The following SLC9C1 variants were observed in gnomAD, a reference collection of about 807,000 sequenced individuals.
SLC9C1 encodes the protein sodium/hydrogen exchanger 10.
Under a neutral mutation model 140.9 loss-of-function variants are expected in SLC9C1, and 97 were observed. The ratio of observed to expected loss-of-function variants is 0.69; its 90% confidence interval spans 0.58 to 0.82. The LOEUF is 0.82. SLC9C1 is among the 40% of genes least tolerant of loss of function. The probability of loss-of-function intolerance (pLI) is 0.00; values close to 1 mark genes in which losing one functional copy is unlikely to be tolerated. For synonymous variants in SLC9C1, 440 were observed against 442.6 expected (o/e 0.99, Z 0.07); for missense variants, 1,340 against 1,389.3 (o/e 0.96, Z 0.56).
Position 112,248,674 on chromosome 3 carries a change from G to A in SLC9C1, c.1198-4598C>T, listed in dbSNP as rs540108479. Among the ~76,000 whole-genome samples, 100 of 152,154 alleles carry A rather than the reference G, an allele frequency of 6.6e-4. No individual in the cohort carries two copies. The Middle Eastern group carries it at 0.01, about 16-fold the overall frequency. On this transcript the variant is annotated intron_variant, in intron 10 of 28. Coordinates refer to ENST00000305815, the MANE Select transcript of SLC9C1 (RefSeq NM_183061.3). ...TTTTTCTCCCTATTGCCTGAGGTAG[G>A]ACATTGAGCATAATGTTCCACAAAA...
chr3:112,166,315 C>T lies in SLC9C1; in HGVS notation c.3364+906G>A, dbSNP rs551639526. ...CTGACACTCCCCAGTGAGATGAACC[C>T]GGTACCTCAGTTGGAAATGCAGAAA... is the stretch of plus-strand genomic sequence containing the variant. On this transcript the variant is annotated intron_variant, in intron 26 of 28. Coordinates refer to ENST00000305815, the MANE Select transcript of SLC9C1 (RefSeq NM_183061.3). Among the ~76,000 whole-genome samples, 15 of 152,296 alleles carry T rather than the reference C, an allele frequency of 9.8e-5. No homozygotes were observed. In the South Asian group the frequency reaches 1.2e-3, roughly 13 times the overall value.
chr3:112,176,175 G>A (rs1472848042), intron 23 of SLC9C1, among the ~76,000 whole-genome samples: 1 of 152,200 alleles, frequency 6.6e-6, no homozygotes, highest in Non-Finnish European at 1.5e-5. Context: ...CTGGAGGGTT[G>A]CAAAGATCCA....
At position 112,180,622 on chromosome 3, in the gene SLC9C1, A is replaced by G. The variant is rs1329149644; in HGVS notation, c.2690T>C (p.Ile897Thr). The change falls in exon 22 of 29, where the codon ATA becomes ACA. Residue 897 changes from isoleucine (I) to threonine (T), a missense_variant. Ile to Thr is a moderately conservative substitution (Grantham distance 89, BLOSUM62 -1). Transcript: ENST00000305815. ...TTTGGGCTCATCACCTTCTTCAAAT[A>G]TATCATTTCCACAATCAAATGTTAC... ...KVVTFDCGNDIFEEGDEPKGI... is the reference protein window; with the variant it reads ...KVVTFDCGNDTFEEGDEPKGI... 3 of 1,613,630 alleles carry G rather than the reference A, an allele frequency of 1.9e-6. No individual in the cohort carries two copies. Among genetic ancestry groups the G allele is most frequent in the Non-Finnish European group, 2.5e-6 (3 of 1,179,804 alleles).
intron 15 of SLC9C1, among the ~76,000 whole-genome samples, chr3:112,210,644 A>G (rs1420725787): frequency 6.6e-6 from 1 of 152,246 alleles, no homozygotes; most frequent in Non-Finnish European, 1.5e-5. Flanking sequence ...TAACTTATGT[A>G]TATGAAATTT....
chr3:112,204,169 T>C (rs955157061), intron 17 of SLC9C1, 49 bp downstream of exon 17: 5 of 1,389,474 alleles, frequency 3.6e-6, no homozygotes, highest in African/African-American at 3.0e-5. Context: ...CTATGTTTTA[T>C]GAAACAATCA....
intron 10 of SLC9C1, among the ~76,000 whole-genome samples, chr3:112,252,876 A>T (rs7635069): frequency 6.6e-6 from 1 of 151,498 alleles, no homozygotes; most frequent in African/African-American, 2.4e-5. Flanking sequence ...GACTCCAGCC[A>T]CCTCCTGCTG....
At chr3:112,181,087 A>G (rs898565489) in intron 21 of SLC9C1, among the ~76,000 whole-genome samples, 32 of 152,246 alleles carry the variant, frequency 2.1e-4, no homozygotes, top group African/African-American at 7.7e-4. Context: ...AAGTTTTTAC[A>G]TTTAAAAAAT....
intron 20 of SLC9C1, among the ~76,000 whole-genome samples, chr3:112,197,948 A>T (rs904503298): frequency 6.6e-6 from 1 of 152,102 alleles, no homozygotes; most frequent in African/African-American, 2.4e-5. Flanking sequence ...TTTTGTAAAC[A>T]GTATTTTTTT....
intron 12 of SLC9C1, among the ~76,000 whole-genome samples, chr3:112,236,156 T>C (rs1461176846): frequency 6.6e-6 from 1 of 152,200 alleles, no homozygotes. Flanking sequence ...AGCCTGTTAT[T>C]GGTCTATTAA....
chr3:112,171,683 C>T (rs1166359630), intron 23 of SLC9C1, among the ~76,000 whole-genome samples: 1 of 152,108 alleles, frequency 6.6e-6, no homozygotes, highest in Non-Finnish European at 1.5e-5. Context: ...AAAATCCTGG[C>T]TAAGAAATCT....
At chr3:112,271,901 A>G (rs1222302346) in intron 6 of SLC9C1, among the ~76,000 whole-genome samples, 1 of 151,990 alleles carries the variant, frequency 6.6e-6, no homozygotes, top group Non-Finnish European at 1.5e-5. Context: ...ATTTCTGTAC[A>G]TACATTTTTT....
intron 13 of SLC9C1, among the ~76,000 whole-genome samples, chr3:112,226,777 G>A (rs2078694608): frequency 6.6e-6 from 1 of 151,620 alleles, no homozygotes. Flanking sequence ...GCACCTTAAG[G>A]AACTAAAAAA....
At chr3:112,211,914 T>A (rs2078218227) in intron 15 of SLC9C1, among the ~76,000 whole-genome samples, 1 of 152,220 alleles carries the variant, frequency 6.6e-6, no homozygotes, top group South Asian at 2.1e-4. Context: ...CCTCCTCAAG[T>A]GGATCTCTGA....
intron 20 of SLC9C1, among the ~76,000 whole-genome samples, chr3:112,190,642 CTTCTA>C (rs1295831879): frequency 6.6e-6 from 1 of 151,942 alleles, no homozygotes; most frequent in African/African-American, 2.4e-5. Context: ...AAAGAAAATA[CTTCTA>C]TTCTTTGATT....
intron 23 of SLC9C1, among the ~76,000 whole-genome samples, chr3:112,169,956 A>T (rs1178844148): frequency 6.6e-6 from 1 of 152,046 alleles, no homozygotes; most frequent in Non-Finnish European, 1.5e-5. Context: ...ATAATACTGG[A>T]CCCTTTATCT....
In SLC9C1 at chr3:112,228,776, T is replaced by C. The variant is rs1279057829; in HGVS notation, c.1572+2585A>G. On this transcript the variant is annotated intron_variant, in intron 13 of 28. Coordinates refer to ENST00000305815, the MANE Select transcript of SLC9C1 (RefSeq NM_183061.3). The stretch of plus-strand genomic sequence containing the variant: ...AAGACACAAACGGTCAACAAGCACA[T>C]AAAAAAATTTAACATCACTAGTGAA... 2.6e-5 allele frequency among the ~76,000 whole-genome samples: 4 copies of C among 151,972 alleles called. No homozygotes were observed. In the South Asian group the frequency reaches 6.2e-4, roughly 24 times the overall value.
intron 23 of SLC9C1, among the ~76,000 whole-genome samples, chr3:112,174,553 T>C (rs4498007): frequency 0.98 from 149,402 of 152,286 alleles, 73,357 homozygotes; most frequent in East Asian, 1. Context: ...ACCTCTGTGC[T>C]ACTACCAGTG....
intron 23 of SLC9C1, among the ~76,000 whole-genome samples, chr3:112,176,900 C>G (rs902947996): frequency 6.6e-6 from 1 of 151,812 alleles, no homozygotes; most frequent in Admixed American, 6.6e-5. Context: ...CTCCTAAGGC[C>G]TATTCTTTCT....
rs114384611 is a variant in SLC9C1, at chr3:112,274,751, G to A, written c.613+146C>T. 6.0e-4 allele frequency: 450 copies of A among 753,048 alleles called. 1 individual carries two copies. The African/African-American group carries it at 6.8e-3, about 11-fold the overall frequency. 46.6% of individuals were successfully genotyped at this position (753,048 alleles called of 1,614,324 possible). On this transcript the variant is annotated intron_variant, in intron 6 of 28. Transcript: ENST00000305815. ...CTAACATTAAGTAATGTGTAATAGT[G>A]CTTTGTAAAGAGTAAGTCACTAAAC...
Sources: allele counts gnomAD v4.1 joint callset (sites outside exome capture counted in the v4.1 genomes callset), GRCh38; gene constraint gnomAD v4.1.1; transcripts MANE v1.5; gene names NCBI Gene and HGNC (gene_info 2026-07-23, HGNC 2026-07-21).